TCTN1: variants seen among roughly 807,000 people sequenced by gnomAD.
TCTN1 encodes the protein tectonic-1.
TCTN1 carries 58 observed loss-of-function variants against 65.8 expected under a neutral mutation model. That is an observed-to-expected ratio of 0.88 (90% CI 0.71 to 1.10). The LOEUF (loss-of-function observed/expected upper bound fraction) is 1.10, where lower values mean the gene tolerates loss of function less well. TCTN1 is among the 50% of genes least tolerant of loss of function. The pLI is 0.00. For missense variants in TCTN1, 645 were observed against 719.4 expected (o/e 0.90, Z 1.18); for synonymous variants, 273 against 289.1 (o/e 0.94, Z 0.57).
intron 1 of TCTN1, chr12:110,616,428 G>A (rs575861391): frequency 2.9e-4 from 81 of 279,134 alleles, no homozygotes; most frequent in African/African-American, 1.7e-3. Context: ...CTAATTTTTT[G>A]TAGGGACGGG....
intron 14 of TCTN1, 32 bp downstream of exon 14, chr12:110,647,925 GTCA>G (rs752613080): frequency 2.5e-6 from 4 of 1,611,468 alleles, no homozygotes; most frequent in Non-Finnish European, 8.5e-7. Flanking sequence ...CTCCTCTGAG[GTCA>G]TCCCCTTTGG....
chr12:110,634,437 G>T (rs1253414112), intron 5 of TCTN1: 2 of 565,938 alleles, frequency 3.5e-6, no homozygotes, highest in Non-Finnish European at 6.6e-6. Context: ...AGCACTCTGG[G>T]AGGCCGAGGC....
At chr12:110,634,361 GTA>G (rs754793827) in intron 5 of TCTN1, 2 of 465,954 alleles carry the variant, frequency 4.3e-6, no homozygotes, top group South Asian at 3.1e-5. Flanking sequence ...TCTCATGAAT[GTA>G]TTCTTTTTGA....
rs2064866232 is a variant in TCTN1 at position 110,614,154 on chromosome 12, T to G, written c.-29T>G. ...GTTGCCGGGCAACGCGCTGTCCATG[T>G]CGCGGGCCTCGCTGGGACTCCCTGG... is the stretch of plus-strand genomic sequence containing the variant. On this transcript the variant is annotated 5_prime_UTR_variant, in exon 1 of 15. Transcript: ENST00000397659. The G allele has an allele frequency of 6.5e-7, 1 of 1,546,270 alleles. No individual in the cohort carries two copies. Among genetic ancestry groups the G allele is most frequent in the African/African-American group, 1.4e-5 (1 of 73,256 alleles).
At chr12:110,631,786 C>A (rs186339485) in intron 4 of TCTN1, among the ~76,000 whole-genome samples, 4 of 152,240 alleles carry the variant, frequency 2.6e-5, no homozygotes, top group African/African-American at 7.2e-5. Context: ...CTGATTAAAT[C>A]CTTAGGATAC....
intron 6 of TCTN1, 129 bp from the exon 7 acceptor site, chr12:110,636,352 A>G: frequency 1.5e-6 from 1 of 660,418 alleles, no homozygotes; most frequent in Non-Finnish European, 2.7e-6. Flanking sequence ...GATCAAGGAA[A>G]TTCTGTTTTC....
chr12:110,628,010 TG>T, intron 3 of TCTN1: 1 of 1,531,696 alleles, frequency 6.5e-7, no homozygotes, highest in Non-Finnish European at 8.7e-7. Context: ...ACCAGCCCAG[TG>T]AACATGCCAG....
At chr12:110,624,089 ATT>A (rs1246476920) in intron 2 of TCTN1, among the ~76,000 whole-genome samples, 13 of 129,628 alleles carry the variant, frequency 1.0e-4, no homozygotes, top group Non-Finnish European at 1.2e-4. Context: ...CTATCTGTCT[ATT>A]TTTTTTTTTT....
chr12:110,649,209 G>C lies in TCTN1; in HGVS notation c.*168G>C, dbSNP rs2067661878. On this transcript the variant is annotated 3_prime_UTR_variant, in exon 15 of 15. Transcript: ENST00000397659. ...AAATGTGATACATTTGATACAGTGT[G>C]GGGTGGGAGTGGATGGGCAGCTCTT... 2.9e-6 allele frequency: 2 copies of C among 679,392 alleles called. No individual in the cohort carries two copies. Among genetic ancestry groups the C allele is most frequent in the Admixed American group, 4.5e-5 (2 of 44,384 alleles). 42.1% of individuals were successfully genotyped at this position (679,392 alleles called of 1,614,324 possible).
intron 1 of TCTN1, chr12:110,614,612 CAG>C (rs755236080): frequency 4.6e-6 from 5 of 1,084,068 alleles, no homozygotes; most frequent in Non-Finnish European, 6.8e-6. Flanking sequence ...AACCGGGTCT[CAG>C]AGTTTAAGTG....
chr12:110,622,294 C>T (rs1194896464), intron 2 of TCTN1, among the ~76,000 whole-genome samples: 2 of 152,130 alleles, frequency 1.3e-5, no homozygotes, highest in African/African-American at 2.4e-5. Context: ...ACCCTTGCCT[C>T]TTCCTTTCCT....
intron 14 of TCTN1, among the ~76,000 whole-genome samples, chr12:110,648,248 G>T (rs1236152474): frequency 6.6e-6 from 1 of 152,174 alleles, no homozygotes; most frequent in Non-Finnish European, 1.5e-5. Flanking sequence ...TGGGATTACA[G>T]GTGTGAGCCA....
chr12:110,645,813 G>A (rs547798358), intron 12 of TCTN1: 17 of 154,234 alleles, frequency 1.1e-4, no homozygotes, highest in Non-Finnish European at 1.9e-4. Context: ...TGCCCAGCTT[G>A]TTCTTGTCAC....
At chr12:110,648,385 A>C (rs1020953901) in intron 14 of TCTN1, among the ~76,000 whole-genome samples, 2 of 152,126 alleles carry the variant, frequency 1.3e-5, no homozygotes, top group African/African-American at 4.8e-5. Flanking sequence ...TTGAATGGGG[A>C]ATATGCTTAA....
At chr12:110,631,436 C>G (rs2066229728) in intron 4 of TCTN1, among the ~76,000 whole-genome samples, 2 of 151,924 alleles carry the variant, frequency 1.3e-5, no homozygotes, top group African/African-American at 4.8e-5. Context: ...GAGTTCCACA[C>G]CAGCCTGGAC....
intron 13 of TCTN1, 185 bp from the exon 14 acceptor site, chr12:110,647,564 G>A (rs969370482): frequency 5.3e-5 from 55 of 1,029,384 alleles, no homozygotes; most frequent in Admixed American, 8.5e-5. Context: ...TGATATTCAC[G>A]TGTTAATCAG....
At chr12:110,643,669 T>TA (rs1189329897) in intron 11 of TCTN1, 1 of 152,170 alleles carries the variant, frequency 6.6e-6, no homozygotes, top group Non-Finnish European at 1.5e-5. Context: ...GACCAATATT[T>TA]ACCATTTACT....
chr12:110,616,609 G>A (rs780871594), intron 1 of TCTN1: 17 of 172,526 alleles, frequency 9.9e-5, no homozygotes, highest in Non-Finnish European at 1.8e-4. Context: ...TAACTCATTT[G>A]TTAACTGTTC....
At chr12:110,623,081 G>C (rs904123824) in intron 2 of TCTN1, among the ~76,000 whole-genome samples, 4 of 152,118 alleles carry the variant, frequency 2.6e-5, no homozygotes, top group African/African-American at 7.2e-5. Context: ...GTCCATCCCT[G>C]CTCCTGCTTT....
Sources: allele counts gnomAD v4.1 joint callset (sites outside exome capture counted in the v4.1 genomes callset), GRCh38; gene constraint gnomAD v4.1.1; transcripts MANE v1.5; gene names NCBI Gene and HGNC (gene_info 2026-07-23, HGNC 2026-07-21).